The following SPOCK3 variants were observed in gnomAD, a reference collection of about 807,000 sequenced individuals.
SPOCK3 encodes the protein SPARC (osteonectin), cwcv and kazal like domains proteoglycan 3, also known as testican-3.
SPOCK3 carries 30 observed loss-of-function variants against 56.6 expected under a neutral mutation model. The ratio of observed to expected loss-of-function variants is 0.53; its 90% confidence interval spans 0.40 to 0.72. The LOEUF is 0.72. Among genes scored for constraint, SPOCK3 ranks in the 30% least tolerant of loss-of-function variants. The pLI is 0.00. For missense variants in SPOCK3, 527 were observed against 530.0 expected (o/e 0.99, Z 0.06); for synonymous variants, 196 against 183.3 (o/e 1.07, Z -0.56).
intron 2 of SPOCK3, among the ~76,000 whole-genome samples, chr4:167,099,163 T>G (rs1037988515): frequency 6.6e-6 from 1 of 151,948 alleles, no homozygotes; most frequent in African/African-American, 2.4e-5. Context: ...TATTATACTT[T>G]TTATAGTTAA....
Position 166,840,784 on chromosome 4 carries a change from T to C in SPOCK3, c.589+48346A>G, listed in dbSNP as rs980798138. On this transcript the variant is annotated intron_variant, in intron 6 of 10. Coordinates refer to ENST00000357545, the MANE Select transcript of SPOCK3 (RefSeq NM_001040159.2). ...CCAGAAGCAAAAGTTTTTTTTTTTT[T>C]TTTTTTTTTTTTTAGATGCAGTCTC... Among the ~76,000 whole-genome samples the C allele has an allele frequency of 2.8e-5, 4 of 140,800 alleles. 1 individual carries two copies. The highest frequency in any genetic ancestry group is 4.3e-4 in the East Asian group (2 of 4,696). The allele number at this position is 140,800 out of a possible 152,430, so 92.4% of individuals were successfully genotyped here. A position where few individuals can be genotyped will look rare whatever the true frequency, so the allele number is the denominator to read the frequency against.
intron 2 of SPOCK3, among the ~76,000 whole-genome samples, chr4:167,155,002 A>T (rs1389166510): frequency 6.6e-6 from 1 of 152,130 alleles, no homozygotes; most frequent in Non-Finnish European, 1.5e-5. Flanking sequence ...TTAACCTAAT[A>T]CCTGTGTTAA....
chr4:167,026,820 GTT>G (rs529088799), intron 3 of SPOCK3, among the ~76,000 whole-genome samples: 1,900 of 132,514 alleles, frequency 0.014, 14 homozygotes, highest in Non-Finnish European at 0.02. Flanking sequence ...GGCATTTGAA[GTT>G]TTTTTTTTTT....
intron 2 of SPOCK3, among the ~76,000 whole-genome samples, chr4:167,222,440 G>A (rs1287751490): frequency 1.4e-5 from 2 of 147,442 alleles, no homozygotes; most frequent in Non-Finnish European, 3.0e-5. Flanking sequence ...ATTTTATGTC[G>A]TGCTTTTTAC....
chr4:167,040,830 T>C lies in SPOCK3; in HGVS notation c.235+21662A>G, dbSNP rs1236663859. 1.2e-4 allele frequency among the ~76,000 whole-genome samples: 18 copies of C among 152,188 alleles called. 1 individual carries two copies. The highest frequency in any genetic ancestry group is 1.2e-3 in the Admixed American group (18 of 15,276). On this transcript the variant is annotated intron_variant, in intron 3 of 10. Coordinates refer to ENST00000357545, the MANE Select transcript of SPOCK3 (RefSeq NM_001040159.2). ...TGAAACTTAGGGGATAAAAGAGACC[T>C]TGTAAGTTATTTTCTGCAATTATTT...
chr4:167,150,019 TCTGA>T (rs1212409873), intron 2 of SPOCK3, among the ~76,000 whole-genome samples: 3 of 152,106 alleles, frequency 2.0e-5, no homozygotes, highest in Non-Finnish European at 4.4e-5. Flanking sequence ...GGGGAAAGCA[TCTGA>T]CTGACAATAA....
At position 167,005,867 on chromosome 4, in the gene SPOCK3, G is replaced by A. The variant is rs544461532; in HGVS notation, c.236-5404C>T. On this transcript the variant is annotated intron_variant, in intron 3 of 10. Transcript: ENST00000357545. ...TAATTTATGATTTTAAGTCAATTTA[G>A]CATTTAGCTTCAAAAGGACTACTAT... is the stretch of plus-strand genomic sequence containing the variant. Among the ~76,000 whole-genome samples, 13 of 152,202 alleles carry A rather than the reference G, an allele frequency of 8.5e-5. No homozygotes were observed. In the South Asian group the frequency reaches 1.7e-3, roughly 19 times the overall value.
chr4:167,055,623 T>G (rs1159584287), intron 3 of SPOCK3, among the ~76,000 whole-genome samples: 1 of 152,224 alleles, frequency 6.6e-6, no homozygotes, highest in African/African-American at 2.4e-5. Flanking sequence ...TCCAACGGGC[T>G]TAAAATACGG....
chr4:167,126,022 C>G (rs774193645), intron 2 of SPOCK3, among the ~76,000 whole-genome samples: 3 of 152,166 alleles, frequency 2.0e-5, no homozygotes, highest in Non-Finnish European at 4.4e-5. Flanking sequence ...TTGGCAATAA[C>G]AGGTACAAAA....
At chr4:167,222,534 A>ATATTCATATAT in intron 2 of SPOCK3, among the ~76,000 whole-genome samples, 2 of 145,558 alleles carry the variant, frequency 1.4e-5, no homozygotes, top group Admixed American at 7.0e-5. Context: ...TGTATGTTAT[A>ATATTCATATAT]GATTCATATA....
chr4:166,864,664 A>T (rs2126922415), intron 6 of SPOCK3, among the ~76,000 whole-genome samples: 1 of 152,308 alleles, frequency 6.6e-6, no homozygotes, highest in Middle Eastern at 3.4e-3. Flanking sequence ...CTCTACACAA[A>T]TAAACGAGAA....
At chr4:167,175,936 T>A (rs533945462) in intron 2 of SPOCK3, among the ~76,000 whole-genome samples, 8 of 152,280 alleles carry the variant, frequency 5.3e-5, no homozygotes, top group African/African-American at 1.7e-4. Flanking sequence ...CACACAATGA[T>A]TTAACCCATG....
chr4:166,777,376 A>T (rs528479456), intron 7 of SPOCK3, among the ~76,000 whole-genome samples: 1 of 152,230 alleles, frequency 6.6e-6, no homozygotes, highest in Non-Finnish European at 1.5e-5. Flanking sequence ...ATGTACATGT[A>T]TACCAGAGGC....
rs1380221252 is a variant in SPOCK3 at position 166,742,230 on chromosome 4, CTATCATCTATCT to C, written c.932-183_932-172del. Among the ~76,000 whole-genome samples the C allele has an allele frequency of 9.0e-3, 1,312 of 145,072 alleles. 17 individuals are homozygous for C. The highest frequency in any genetic ancestry group is 0.03 in the African/African-American group (1,194 of 40,090). ...CATATAGGTACATACATGTGTCTAT[CTATCATCTATCT>C]ATCTATCTATCTATCTATCTATCTA... On this transcript the variant is annotated intron_variant, in intron 8 of 10. Coordinates refer to ENST00000357545, the MANE Select transcript of SPOCK3 (RefSeq NM_001040159.2).
chr4:166,986,295 T>G (rs1427875316), intron 4 of SPOCK3, among the ~76,000 whole-genome samples: 1 of 152,144 alleles, frequency 6.6e-6, no homozygotes, highest in Non-Finnish European at 1.5e-5. Context: ...TGTTGAAGTG[T>G]TACCCATCAC....
At chr4:166,961,085 G>C (rs974021768) in intron 4 of SPOCK3, among the ~76,000 whole-genome samples, 3 of 151,942 alleles carry the variant, frequency 2.0e-5, no homozygotes, top group Non-Finnish European at 2.9e-5. Context: ...GGAAAGACAG[G>C]CAAATGATAT....
At chr4:166,860,518 T>A (rs1252946691) in intron 6 of SPOCK3, among the ~76,000 whole-genome samples, 6 of 151,806 alleles carry the variant, frequency 4.0e-5, no homozygotes, top group Non-Finnish European at 8.8e-5. Context: ...GTGCTGCAAA[T>A]AGAAATACTG....
intron 2 of SPOCK3, among the ~76,000 whole-genome samples, chr4:167,225,802 T>C (rs1338541044): frequency 6.6e-6 from 1 of 151,992 alleles, no homozygotes; most frequent in Non-Finnish European, 1.5e-5. Context: ...GAGTAAAGCC[T>C]GTATGGGAAT....
intron 4 of SPOCK3, among the ~76,000 whole-genome samples, chr4:166,952,170 G>T (rs9760252): frequency 1.3e-5 from 2 of 152,108 alleles, no homozygotes; most frequent in East Asian, 3.9e-4. Context: ...ACATGATTGT[G>T]TATCTAGAAA....
Sources: allele counts gnomAD v4.1 joint callset (sites outside exome capture counted in the v4.1 genomes callset), GRCh38; gene constraint gnomAD v4.1.1; transcripts MANE v1.5; gene names NCBI Gene and HGNC (gene_info 2026-07-23, HGNC 2026-07-21).